Variants in TOX observed in about 807,000 individuals in gnomAD.
The protein encoded by TOX is thymocyte selection associated high mobility group box, also known as thymocyte selection-associated high mobility group box protein TOX.
Under a neutral mutation model 53.7 loss-of-function variants are expected in TOX, and 11 were observed. The observed-to-expected ratio is 0.20, with a 90% CI of 0.13 to 0.34. TOX has a LOEUF of 0.34. TOX is among the 10% of genes least tolerant of loss of function. TOX has a pLI of 1.00. For synonymous variants in TOX, 225 were observed against 245.3 expected (o/e 0.92, Z 0.77); for missense variants, 570 against 664.6 (o/e 0.86, Z 1.56).
intron 7 of TOX, among the ~76,000 whole-genome samples, chr8:58,813,169 G>A (rs186532515): frequency 6.6e-6 from 1 of 152,240 alleles, no homozygotes; most frequent in Admixed American, 6.5e-5. Flanking sequence ...GATTCTATAT[G>A]GAAAGACAAA....
At position 58,815,541 on chromosome 8, in the gene TOX, C is replaced by T. The variant is rs200730498; in HGVS notation, c.1189G>A (p.Ala397Thr). 9.3e-6 allele frequency: 15 copies of T among 1,614,084 alleles called. No individual in the cohort carries two copies. The highest frequency in any genetic ancestry group is 1.3e-5 in the Non-Finnish European group (15 of 1,180,024). Residue 397 changes from alanine (A) to threonine (T), a missense_variant, in exon 7 of 9, where the codon GCC (alanine) becomes ACC (threonine). By Grantham distance (58) the Ala-to-Thr change is moderately conservative. This residue lies in a region of TOX where 239 missense variants were observed against 250.7 expected (regional missense o/e 0.95). Transcript: ENST00000361421. ...GGCATTTGGTTATTCGGCTTGGGGG[C>T]TATGTTCCTGGGGAGACTAGGATGC... ...AMHPSLPRNI[A>T]PKPNNQMPVT...
chr8:58,870,473 G>C (rs1385762114), intron 3 of TOX, among the ~76,000 whole-genome samples: 1 of 152,064 alleles, frequency 6.6e-6, no homozygotes, highest in African/African-American at 2.4e-5. Flanking sequence ...TAACTTAATC[G>C]ATAGAGTCAA....
chr8:59,056,585 A>C (rs1270884275), intron 1 of TOX, among the ~76,000 whole-genome samples: 1 of 152,178 alleles, frequency 6.6e-6, no homozygotes, highest in African/African-American at 2.4e-5. Context: ...CCTAGGACTT[A>C]AAGGATTAAA....
intron 2 of TOX, among the ~76,000 whole-genome samples, chr8:58,949,741 G>A (rs1812587853): frequency 1.3e-5 from 2 of 151,478 alleles, no homozygotes; most frequent in African/African-American, 4.8e-5. Flanking sequence ...ATTGATTTTT[G>A]CTTATGGCTA....
chr8:58,818,771 G>A (rs1810223034), intron 6 of TOX, among the ~76,000 whole-genome samples: 1 of 152,116 alleles, frequency 6.6e-6, no homozygotes, highest in South Asian at 2.1e-4. Context: ...GCTCTTCTCT[G>A]CTCTCGGCAG....
chr8:58,852,969 C>T (rs1585861166), intron 3 of TOX, among the ~76,000 whole-genome samples: 1 of 152,132 alleles, frequency 6.6e-6, no homozygotes, highest in African/African-American at 2.4e-5. Context: ...GTAACCTAGT[C>T]ATAGGTTCTT....
intron 1 of TOX, among the ~76,000 whole-genome samples, chr8:59,014,779 A>T (rs1475374902): frequency 1.3e-5 from 2 of 152,234 alleles, no homozygotes; most frequent in African/African-American, 4.8e-5. Context: ...TGAATTATGC[A>T]TAGCAGAATG....
At chr8:58,945,501 G>A (rs139400063) in intron 2 of TOX, among the ~76,000 whole-genome samples, 303 of 152,224 alleles carry the variant, frequency 2.0e-3, no homozygotes, top group African/African-American at 6.6e-3. Flanking sequence ...CAGTAGAAAA[G>A]GAAACTTCTC....
intron 1 of TOX, among the ~76,000 whole-genome samples, chr8:59,101,571 A>G (rs1804807697): frequency 6.6e-6 from 1 of 152,230 alleles, no homozygotes; most frequent in Non-Finnish European, 1.5e-5. Context: ...TTGCAGATGA[A>G]ACTTCAAAAT....
At position 58,815,663 on chromosome 8, in the gene TOX, G is replaced by A. The variant is rs187762314; in HGVS notation, c.1067C>T (p.Pro356Leu). ...SQPPQLINSK[P>L]SVFHGPSQAH... ...CTGGCTGGGCCCATGGAACACCGAC[G>A]GCTTCGAATTGATCAGCTGAGGAGG... Residue 356 changes from proline to leucine, a missense_variant, in exon 7 of 9, where the codon CCG becomes CTG. This residue lies in a region of TOX where 239 missense variants were observed against 250.7 expected (regional missense o/e 0.95). Coordinates refer to ENST00000361421, the MANE Select transcript of TOX (RefSeq NM_014729.3). 2.4e-5 allele frequency: 39 copies of A among 1,614,044 alleles called. No homozygotes were observed. The highest frequency in any genetic ancestry group is 8.9e-5 in the East Asian group (4 of 44,864).
At chr8:58,908,140 A>G (rs951203443) in intron 3 of TOX, among the ~76,000 whole-genome samples, 2 of 152,098 alleles carry the variant, frequency 1.3e-5, no homozygotes, top group African/African-American at 2.4e-5. Flanking sequence ...TTTCCCCTCA[A>G]TGCAAATGTC....
intron 4 of TOX, among the ~76,000 whole-genome samples, chr8:58,843,393 A>G (rs924356054): frequency 6.6e-6 from 1 of 152,238 alleles, no homozygotes. Flanking sequence ...TTGCCCTTGT[A>G]GAACTGAACT....
intron 3 of TOX, among the ~76,000 whole-genome samples, chr8:58,912,932 A>G (rs1811930417): frequency 6.6e-6 from 1 of 152,176 alleles, no homozygotes; most frequent in African/African-American, 2.4e-5. Flanking sequence ...GAGAAATGAC[A>G]AGTTGTACAA....
At chr8:59,039,641 T>C (rs1453717212) in intron 1 of TOX, among the ~76,000 whole-genome samples, 6 of 152,234 alleles carry the variant, frequency 3.9e-5, no homozygotes, top group Non-Finnish European at 8.8e-5. Flanking sequence ...CATTTTTTTC[T>C]CATTACTCTC....
chr8:58,915,451 T>G (rs1214315615), intron 3 of TOX, among the ~76,000 whole-genome samples: 5 of 105,744 alleles, frequency 4.7e-5, no homozygotes, highest in African/African-American at 1.9e-4. Context: ...CACTGACACC[T>G]CACACGGCAG....
At chr8:58,878,578 T>C (rs753648894) in intron 3 of TOX, among the ~76,000 whole-genome samples, 1 of 152,216 alleles carries the variant, frequency 6.6e-6, no homozygotes, top group Non-Finnish European at 1.5e-5. Flanking sequence ...GAGCAACGTA[T>C]TGTTGGTGTA....
intron 2 of TOX, among the ~76,000 whole-genome samples, chr8:58,952,226 T>C (rs1290563607): frequency 6.6e-6 from 1 of 152,230 alleles, no homozygotes; most frequent in Non-Finnish European, 1.5e-5. Flanking sequence ...AAACTGCTTC[T>C]ACTTAACATA....
At chr8:58,902,532 G>C (rs1389596616) in intron 3 of TOX, among the ~76,000 whole-genome samples, 1 of 152,126 alleles carries the variant, frequency 6.6e-6, no homozygotes, top group East Asian at 1.9e-4. Context: ...AAACCTGGAG[G>C]CATCTCAAAA....
intron 3 of TOX, among the ~76,000 whole-genome samples, chr8:58,914,192 G>C (rs532938030): frequency 6.6e-6 from 1 of 152,342 alleles, no homozygotes; most frequent in East Asian, 1.9e-4. Flanking sequence ...AGTCAGAACA[G>C]GTTGGTTTCG....
Sources: gnomAD v4.1 joint callset for allele counts (sites outside exome capture counted in the v4.1 genomes callset) on GRCh38, gnomAD v4.1.1 for gene constraint, gnomAD v4.1.1 regional missense constraint, MANE v1.5 for transcripts, NCBI Gene and HGNC (gene_info 2026-07-23, HGNC 2026-07-21) for gene names.